Variants in PDGFC observed in about 807,000 individuals in gnomAD.
The protein encoded by PDGFC is platelet-derived growth factor C.
In PDGFC, 12 loss-of-function variants were observed where a neutral mutation model predicts 35.5. The ratio of observed to expected loss-of-function variants is 0.34; its 90% confidence interval spans 0.22 to 0.55. PDGFC has a LOEUF of 0.55. PDGFC is among the 20% of genes least tolerant of loss of function. The pLI is 0.91. For synonymous variants in PDGFC, 159 were observed against 148.8 expected (o/e 1.07, Z -0.50); for missense variants, 322 against 412.4 (o/e 0.78, Z 1.90).
intron 3 of PDGFC, among the ~76,000 whole-genome samples, chr4:156,805,027 T>G (rs1579020293): frequency 6.6e-6 from 1 of 152,172 alleles, no homozygotes; most frequent in South Asian, 2.1e-4. Context: ...TGTGAAATTT[T>G]TTCTTAGCAA....
At chr4:156,824,327 TACAC>T (rs1204930651) in intron 2 of PDGFC, among the ~76,000 whole-genome samples, 90 of 102,742 alleles carry the variant, frequency 8.8e-4, no homozygotes, top group African/African-American at 1.8e-3. Context: ...TATATATATA[TACAC>T]ACACACACAC....
At chr4:156,865,807 G>C (rs985024361) in intron 1 of PDGFC, among the ~76,000 whole-genome samples, 1 of 152,190 alleles carries the variant, frequency 6.6e-6, no homozygotes, top group Non-Finnish European at 1.5e-5. Context: ...AAGTTCATAT[G>C]TTTTAAAATG....
chr4:156,851,909 C>G (rs762898890), intron 1 of PDGFC, among the ~76,000 whole-genome samples: 8 of 107,780 alleles, frequency 7.4e-5, no homozygotes, highest in Admixed American at 1.3e-4. Flanking sequence ...CCAGCCTGGG[C>G]GACAGAATGA....
chr4:156,820,692 G>C (rs894765607), intron 2 of PDGFC, among the ~76,000 whole-genome samples: 2 of 152,084 alleles, frequency 1.3e-5, no homozygotes, highest in Non-Finnish European at 2.9e-5. Flanking sequence ...GATGAACTAA[G>C]AATGACCCTT....
In PDGFC at chr4:156,912,037, GA is replaced by G. The variant is rs1731051897; in HGVS notation, c.118+58748del. Among the ~76,000 whole-genome samples, 3 of 152,162 alleles carry G rather than the reference GA, an allele frequency of 2.0e-5. No individual in the cohort carries two copies. In the South Asian group the frequency reaches 6.2e-4, roughly 32 times the overall value. ...TAGAGTATGAATCTGAGAGACTAAGGAAAGTTTTCTTAGGACTTAGACAAAG... is the reference window on the plus strand; with the variant it reads ...TAGAGTATGAATCTGAGAGACTAAGGAAGTTTTCTTAGGACTTAGACAAAG... On this transcript the variant is annotated intron_variant, in intron 1 of 5. Coordinates refer to ENST00000502773, the MANE Select transcript of PDGFC (RefSeq NM_016205.3).
intron 3 of PDGFC, among the ~76,000 whole-genome samples, chr4:156,803,995 T>C (rs1731686037): frequency 6.6e-6 from 1 of 152,070 alleles, no homozygotes; most frequent in East Asian, 1.9e-4. Flanking sequence ...GTCTTTAATA[T>C]AATGCTTGGA....
Position 156,922,508 on chromosome 4 carries a change from G to T in PDGFC, c.118+48278C>A, listed in dbSNP as rs149550539. Among the ~76,000 whole-genome samples the T allele has an allele frequency of 3.9e-5, 6 of 152,260 alleles. No individual in the cohort carries two copies. In the East Asian group the frequency reaches 1.2e-3, roughly 29 times the overall value. On this transcript the variant is annotated intron_variant, in intron 1 of 5. Transcript: ENST00000502773. The stretch of plus-strand genomic sequence containing the variant: ...TGTTACAATGACATCAAGAGCAAGG[G>T]CAGAGTGCCCTCTAGTATGACAAAA...
intron 1 of PDGFC, among the ~76,000 whole-genome samples, chr4:156,856,457 G>A (rs143572055): frequency 6.6e-6 from 1 of 152,196 alleles, no homozygotes; most frequent in African/African-American, 2.4e-5. Flanking sequence ...TCCTGGACCA[G>A]CTATACTAGT....
rs144656807 is a variant in PDGFC at position 156,870,472 on chromosome 4, A to G, written c.119-20056T>C. Among the ~76,000 whole-genome samples, 535 of 152,230 alleles carry G rather than the reference A, an allele frequency of 3.5e-3. 19 individuals are homozygous for G. In the East Asian group the frequency reaches 0.077, roughly 22 times the overall value. ...AAAGATGAGGACCTGATATATTATT[A>G]TCTTCTACTTCATAGAGAGTTTCCT... On this transcript the variant is annotated intron_variant, in intron 1 of 5. Transcript: ENST00000502773.
chr4:156,772,746 G>C lies in PDGFC; in HGVS notation c.643C>G (p.Leu215Val). 6.2e-7 allele frequency: 1 copy of C among 1,613,558 alleles called. No individual in the cohort carries two copies. The highest frequency in any genetic ancestry group is 8.5e-7 in the Non-Finnish European group (1 of 1,179,636). Reference protein sequence around the residue: ...PERWQLDLEDLYRPTWQLLGK... With the variant: ...PERWQLDLEDVYRPTWQLLGK... ...AGAAGTTGCCAAGTTGGCCTATATA[G>C]ATCTTCTAAGTCCAACTGCCATCTC... The change falls in exon 4 of 6, where the codon CTA becomes GTA. Residue 215 changes from leucine (L) to valine (V), a missense_variant. Around this residue, in one of 2 missense-constraint regions of PDGFC, gnomAD observed 202 missense variants for 295.9 expected, o/e 0.68. Transcript: ENST00000502773.
At chr4:156,909,309 A>C (rs1407023081) in intron 1 of PDGFC, among the ~76,000 whole-genome samples, 3 of 152,172 alleles carry the variant, frequency 2.0e-5, no homozygotes, top group African/African-American at 7.2e-5. Flanking sequence ...AATAAAGTGA[A>C]ATTTGCTTTT....
At chr4:156,880,791 C>G (rs1262285060) in intron 1 of PDGFC, among the ~76,000 whole-genome samples, 3 of 152,070 alleles carry the variant, frequency 2.0e-5, no homozygotes, top group Non-Finnish European at 4.4e-5. Context: ...GAAGTGGAGC[C>G]TGAAGACGTA....
chr4:156,825,593 T>TAATAAGAAGAAGAAG (rs1267062505), intron 2 of PDGFC, among the ~76,000 whole-genome samples: 49 of 62,178 alleles, frequency 7.9e-4, no homozygotes, highest in African/African-American at 2.0e-3. Flanking sequence ...ATAATAATAA[T>TAATAAGAAGAAGAAG]AAGAAGAAGA....
At chr4:156,881,174 T>TGC (rs1316424386) in intron 1 of PDGFC, among the ~76,000 whole-genome samples, 3 of 152,182 alleles carry the variant, frequency 2.0e-5, no homozygotes, top group African/African-American at 7.2e-5. Flanking sequence ...AACCACCACT[T>TGC]TGAACAGTCA....
intron 2 of PDGFC, among the ~76,000 whole-genome samples, chr4:156,842,553 T>C (rs1375250117): frequency 2.0e-5 from 3 of 152,090 alleles, no homozygotes; most frequent in South Asian, 2.1e-4. Context: ...TCCTAAAATA[T>C]AGACCAGTAC....
intron 2 of PDGFC, among the ~76,000 whole-genome samples, chr4:156,815,199 C>T (rs1355221672): frequency 4.7e-5 from 7 of 148,740 alleles, no homozygotes; most frequent in African/African-American, 7.7e-5. Flanking sequence ...TTTCTCAGAA[C>T]TCGTGTCATA....
chr4:156,833,433 A>G (rs1250658653), intron 2 of PDGFC, among the ~76,000 whole-genome samples: 1 of 152,222 alleles, frequency 6.6e-6, no homozygotes, highest in African/African-American at 2.4e-5. Context: ...CACCAATCTT[A>G]AAATATTTGA....
At chr4:156,963,168 G>C (rs966645229) in intron 1 of PDGFC, among the ~76,000 whole-genome samples, 1 of 151,872 alleles carries the variant, frequency 6.6e-6, no homozygotes, top group South Asian at 2.1e-4. Flanking sequence ...CCAACTACTA[G>C]TCTAAAGAAA....
chr4:156,948,408 A>T (rs187242631), intron 1 of PDGFC, among the ~76,000 whole-genome samples: 61 of 152,004 alleles, frequency 4.0e-4, no homozygotes, highest in Non-Finnish European at 7.4e-5. Context: ...CTATATCCAC[A>T]TCGAGCTCTG....
Sources: allele counts gnomAD v4.1 joint callset (sites outside exome capture counted in the v4.1 genomes callset), GRCh38; gene constraint gnomAD v4.1.1; regional missense constraint gnomAD v4.1.1; transcripts MANE v1.5; gene names NCBI Gene and HGNC (gene_info 2026-07-23, HGNC 2026-07-21).